The following EXD3 variants were observed in gnomAD, a reference collection of about 807,000 sequenced individuals.
EXD3 encodes exonuclease 3'-5' domain containing 3.
A neutral mutation model predicts 98.0 loss-of-function variants in EXD3; 92 were observed. The ratio of observed to expected loss-of-function variants is 0.94; its 90% CI spans 0.79 to 1.12. The LOEUF (loss-of-function observed/expected upper bound fraction) is 1.12, where lower values mean the gene tolerates loss of function less well. EXD3 is among the 50% of genes most tolerant of loss of function. EXD3 has a pLI of 0.00. For synonymous variants in EXD3, 569 were observed against 526.0 expected (o/e 1.08, Z -1.12); for missense variants, 1,222 against 1,191.6 (o/e 1.03, Z -0.38).
chr9:137,365,654 C>A, intron 7 of EXD3: 1 of 247,002 alleles, frequency 4.0e-6, no homozygotes, highest in South Asian at 4.9e-5. Flanking sequence ...CATACATGTA[C>A]ACACACCACA....
chr9:137,309,793 G>A (rs1831268190), intron 19 of EXD3, 93 bp from the exon 20 acceptor site: 3 of 934,104 alleles, frequency 3.2e-6, no homozygotes, highest in South Asian at 1.4e-5. Context: ...CTCTGGGTCT[G>A]GCCATGGGGT....
At chr9:137,316,970 CTT>C (rs1831702882) in intron 19 of EXD3, among the ~76,000 whole-genome samples, 2 of 152,116 alleles carry the variant, frequency 1.3e-5, no homozygotes, top group Admixed American at 1.3e-4. Context: ...GCAGGGACCT[CTT>C]CTCCTCTCCC....
Position 137,396,307 on chromosome 9 carries a change from A to C in EXD3, c.-47-903T>G, listed in dbSNP as rs79715023. Among the ~76,000 whole-genome samples the C allele has an allele frequency of 2.5e-3, 385 of 152,288 alleles. 1 individual carries two copies. Among genetic ancestry groups the C allele is most frequent in the Non-Finnish European group, 3.9e-3 (262 of 68,028 alleles). ...TGATGCAAAACCCTTATCTACACTT[A>C]CGAGGGTCACCCTTCTCCTTCAGTC... On this transcript the variant is annotated intron_variant, in intron 1 of 21. Transcript: ENST00000340951.
chr9:137,366,775 G>T, intron 6 of EXD3, 143 bp from the exon 7 acceptor site: 1 of 1,065,542 alleles, frequency 9.4e-7, no homozygotes, highest in Non-Finnish European at 1.3e-6. Flanking sequence ...CGCCCGGCCA[G>T]TGCTCACGCT....
rs550187165 is a variant in EXD3 at position 137,307,843 on chromosome 9, T to C, written c.2279-197A>G. Among the ~76,000 whole-genome samples, 6 of 151,494 alleles carry C rather than the reference T, an allele frequency of 4.0e-5. No homozygotes were observed. The East Asian group carries it at 9.7e-4, about 24-fold the overall frequency. On this transcript the variant is annotated intron_variant, in intron 20 of 21. Coordinates refer to ENST00000340951, the MANE Select transcript of EXD3 (RefSeq NM_017820.5). ...GTGGTACCGGCCTGGTCCCCTCCCT[T>C]GGGAACTCACACCTCGGAAAGGTCT...
rs966159357 is a variant in EXD3, at chr9:137,403,737, C to A, written c.-47-8333G>T. 6.6e-6 allele frequency among the ~76,000 whole-genome samples: 1 copy of A among 152,200 alleles called. No individual in the cohort carries two copies. The highest frequency in any genetic ancestry group is 1.9e-4 in the East Asian group (1 of 5,192). On this transcript the variant is annotated intron_variant, in intron 1 of 21. Coordinates refer to ENST00000340951, the MANE Select transcript of EXD3 (RefSeq NM_017820.5). This position sits in a 1 kb window ranked among gnomAD's most constrained non-coding sequence, Gnocchi z 6.1. ...GCAGACCCAGCCACGCAGAGCCCACCGCCAGCTTCCAAGGGCTCCAGAAAG... is the reference window on the plus strand; with the variant it reads ...GCAGACCCAGCCACGCAGAGCCCACAGCCAGCTTCCAAGGGCTCCAGAAAG...
At position 137,405,498 on chromosome 9, in the gene EXD3, C is replaced by T. The variant is rs1033860453; in HGVS notation, c.-47-10094G>A. On this transcript the variant is annotated intron_variant, in intron 1 of 21. Coordinates refer to ENST00000340951, the MANE Select transcript of EXD3 (RefSeq NM_017820.5). This position sits in a 1 kb window ranked among gnomAD's most constrained non-coding sequence, Gnocchi z 4.1. ...GGCCACTCACCCGTCCCCAGCCACT[C>T]ACCCGTCCCCAGCATCCACAGTTTC... is the stretch of plus-strand genomic sequence containing the variant. Among the ~76,000 whole-genome samples, 1 of 152,214 alleles carries T rather than the reference C, an allele frequency of 6.6e-6. No individual in the cohort carries two copies. The highest frequency in any genetic ancestry group is 1.5e-5 in the Non-Finnish European group (1 of 68,030).
intron 17 of EXD3, among the ~76,000 whole-genome samples, chr9:137,343,699 C>T (rs1436031359): frequency 2.8e-5 from 4 of 140,728 alleles, no homozygotes; most frequent in African/African-American, 1.0e-4. Context: ...TGCCATTCTC[C>T]TGCCTCAGCC....
intron 17 of EXD3, among the ~76,000 whole-genome samples, chr9:137,329,319 A>AG (rs1421081501): frequency 1.5e-4 from 1 of 6,880 alleles, no homozygotes; most frequent in Non-Finnish European, 2.2e-4. Context: ...GCTACACGGG[A>AG]CTACACGGGA....
chr9:137,378,897 T>C (rs1234317592), intron 3 of EXD3, among the ~76,000 whole-genome samples: 1 of 133,960 alleles, frequency 7.5e-6, no homozygotes, highest in Non-Finnish European at 1.6e-5. Flanking sequence ...CGGTGACCGT[T>C]GCCTGGGGCC....
chr9:137,356,030 C>G (rs1011846041), intron 8 of EXD3, among the ~76,000 whole-genome samples: 8 of 152,312 alleles, frequency 5.3e-5, no homozygotes, highest in African/African-American at 1.9e-4. Flanking sequence ...CTCCCGGAGC[C>G]GCCTAGGTGG....
chr9:137,351,196 A>G (rs1336905760), intron 13 of EXD3, 49 bp from the exon 14 acceptor site: 1 of 1,536,918 alleles, frequency 6.5e-7, no homozygotes, highest in Admixed American at 2.0e-5. Flanking sequence ...CAGGGACCGC[A>G]CTGTCCCCTG....
intron 1 of EXD3, among the ~76,000 whole-genome samples, chr9:137,399,122 T>G (rs1837367354): frequency 6.6e-6 from 1 of 152,272 alleles, no homozygotes; most frequent in South Asian, 2.1e-4. Flanking sequence ...AGCCTGGCTG[T>G]GCGTGGCTGT....
chr9:137,368,350 C>T (rs757632158), intron 5 of EXD3, among the ~76,000 whole-genome samples: 4 of 152,194 alleles, frequency 2.6e-5, no homozygotes, highest in Non-Finnish European at 2.9e-5. Context: ...GGCGCAAAGC[C>T]GTGACCTCCC....
At chr9:137,327,359 T>A (rs1490485546) in intron 17 of EXD3, among the ~76,000 whole-genome samples, 1 of 152,136 alleles carries the variant, frequency 6.6e-6, no homozygotes, top group African/African-American at 2.4e-5. Context: ...GGTCTCGACC[T>A]CCTGACCTTG....
chr9:137,311,006 T>C (rs1271795300), intron 19 of EXD3, among the ~76,000 whole-genome samples: 1 of 152,142 alleles, frequency 6.6e-6, no homozygotes. Flanking sequence ...TGTGGCCATG[T>C]TGGGGGCACC....
chr9:137,395,168 A>G lies in EXD3; in HGVS notation c.55+135T>C. The G allele has an allele frequency of 1.3e-6, 1 of 782,266 alleles. No homozygotes were observed. The highest frequency in any genetic ancestry group is 2.2e-6 in the Non-Finnish European group (1 of 452,962). 48.5% of individuals were successfully genotyped at this position (782,266 alleles called of 1,614,324 possible). A position where few individuals can be genotyped will look rare whatever the true frequency, so the allele number is the denominator to read the frequency against. On this transcript the variant is annotated intron_variant, in intron 2 of 21. Transcript: ENST00000340951. This position sits in a 1 kb window ranked among gnomAD's most constrained non-coding sequence, Gnocchi z 6.5. ...AGGTCCCAAGCCGTGGACACTGTAG[A>G]GAGGCCCGCAGCTAGGGGCCAGCAG...
chr9:137,350,592 G>T (rs1348228337), intron 14 of EXD3, among the ~76,000 whole-genome samples: 1 of 109,112 alleles, frequency 9.2e-6, no homozygotes, highest in Non-Finnish European at 2.0e-5. Context: ...ATAGAGAGGG[G>T]TGGGGATCAC....
At chr9:137,334,947 G>A (rs577209167) in intron 17 of EXD3, among the ~76,000 whole-genome samples, 1 of 152,086 alleles carries the variant, frequency 6.6e-6, no homozygotes, top group African/African-American at 2.4e-5. Context: ...CATGGTGGCA[G>A]GCGCCTGTAG....
Sources: allele counts gnomAD v4.1 joint callset (sites outside exome capture counted in the v4.1 genomes callset), GRCh38; gene constraint gnomAD v4.1.1; non-coding constraint Gnocchi (gnomAD v3.1); transcripts MANE v1.5; gene names NCBI Gene and HGNC (gene_info 2026-07-23, HGNC 2026-07-21).